MGAT4A: variants seen among roughly 807,000 people sequenced by gnomAD.
The protein encoded by MGAT4A is alpha-1,3-mannosyl-glycoprotein 4-beta-N-acetylglucosaminyltransferase A.
In MGAT4A, 33 loss-of-function variants were observed where a neutral mutation model predicts 74.1. That is an observed-to-expected ratio of 0.45 (90% CI 0.34 to 0.60). The LOEUF is 0.60. Ranked by LOEUF, MGAT4A falls within the 20% of genes least tolerant of loss-of-function variation. The pLI, the probability that MGAT4A is intolerant of heterozygous loss-of-function variation, is 0.02. For synonymous variants in MGAT4A, 198 were observed against 210.4 expected, an observed-to-expected ratio of 0.94 and a Z score of 0.51; for missense variants, 479 against 628.3, an observed-to-expected ratio of 0.76 and a Z score of 2.54.
chr2:98,706,133 C>G (rs552858726), intron 2 of MGAT4A, among the ~76,000 whole-genome samples: 18 of 151,958 alleles, frequency 1.2e-4, no homozygotes, highest in East Asian at 5.8e-4. Flanking sequence ...TATGTAGGGA[C>G]AAAAAAGCTA....
intron 2 of MGAT4A, among the ~76,000 whole-genome samples, chr2:98,681,937 C>A (rs1357903739): frequency 1.3e-5 from 2 of 152,142 alleles, no homozygotes; most frequent in Non-Finnish European, 2.9e-5. Context: ...GAGGCCCCCA[C>A]TAGCCAAATG....
In MGAT4A at chr2:98,637,952, T is replaced by C. The variant is rs17447754; in HGVS notation, c.1323-1357A>G. On this transcript the variant is annotated intron_variant, in intron 12 of 15. Coordinates refer to ENST00000393487, the MANE Select transcript of MGAT4A (RefSeq NM_012214.3). ...GGTTACGTGGGAATTCTTGGGGTGA[T>C]AGAAACGGTCCTTATCTTGATATAC... is the stretch of plus-strand genomic sequence containing the variant. Among the ~76,000 whole-genome samples, 1,305 of 152,280 alleles carry C rather than the reference T, an allele frequency of 8.6e-3. 30 individuals are homozygous for C. Among genetic ancestry groups the C allele is most frequent in the Non-Finnish European group, 6.6e-3 (449 of 68,020 alleles).
chr2:98,688,279 A>G (rs1472681172), intron 2 of MGAT4A, among the ~76,000 whole-genome samples: 1 of 152,136 alleles, frequency 6.6e-6, no homozygotes, highest in Non-Finnish European at 1.5e-5. Context: ...CATTCTGTCT[A>G]GCAATTACCA....
intron 5 of MGAT4A, among the ~76,000 whole-genome samples, chr2:98,659,784 T>C (rs985697613): frequency 3.9e-5 from 6 of 152,214 alleles, no homozygotes; most frequent in African/African-American, 1.2e-4. Context: ...TCCATTTTTC[T>C]TTATAAATTA....
intron 2 of MGAT4A, among the ~76,000 whole-genome samples, chr2:98,710,437 GATTA>G (rs918420801): frequency 1.3e-5 from 2 of 152,160 alleles, no homozygotes; most frequent in South Asian, 2.1e-4. Context: ...CAAGGAATAT[GATTA>G]ATTTTGTGTC....
At chr2:98,729,503 G>T (rs1008899387) in intron 1 of MGAT4A, among the ~76,000 whole-genome samples, 1 of 151,872 alleles carries the variant, frequency 6.6e-6, no homozygotes, top group African/African-American at 2.4e-5. Flanking sequence ...TAATATTCTC[G>T]GAGACTATAA....
chr2:98,670,352 T>TA, intron 4 of MGAT4A, among the ~76,000 whole-genome samples: 1 of 152,292 alleles, frequency 6.6e-6, no homozygotes, highest in Non-Finnish European at 1.5e-5. Flanking sequence ...GTACCTCTAT[T>TA]ATGTACTAGA....
At chr2:98,693,159 C>G (rs1050839089) in intron 2 of MGAT4A, among the ~76,000 whole-genome samples, 2 of 152,006 alleles carry the variant, frequency 1.3e-5, no homozygotes, top group Admixed American at 6.6e-5. Flanking sequence ...ATTTTTTAAG[C>G]ACTAAAAGAA....
intron 4 of MGAT4A, among the ~76,000 whole-genome samples, chr2:98,669,436 G>A (rs769242737): frequency 7.2e-5 from 11 of 152,168 alleles, no homozygotes; most frequent in East Asian, 1.9e-4. Flanking sequence ...CCCCAGCCAC[G>A]TGGAACTGTT....
chr2:98,660,800 A>G (rs1701737447), intron 5 of MGAT4A, among the ~76,000 whole-genome samples: 1 of 152,206 alleles, frequency 6.6e-6, no homozygotes, highest in South Asian at 2.1e-4. Context: ...AAACAAAAGA[A>G]GACTCTAAAA....
Position 98,621,379 on chromosome 2 carries a change from C to T in MGAT4A, c.*4187G>A, listed in dbSNP as rs868275244. On this transcript the variant is annotated 3_prime_UTR_variant, in exon 16 of 16. Transcript: ENST00000393487. Reference sequence around the variant, plus strand: ...GCTCCTTTGCTGTTAGCCAAGGCCTCTCTCAGCTCCTCAAAGCCATGTGCA... The same window carrying T: ...GCTCCTTTGCTGTTAGCCAAGGCCTTTCTCAGCTCCTCAAAGCCATGTGCA... 6.5e-7 allele frequency: 1 copy of T among 1,544,806 alleles called. No individual in the cohort carries two copies. The highest frequency in any genetic ancestry group is 1.4e-5 in the African/African-American group (1 of 72,670).
At chr2:98,707,288 A>T (rs1319821689) in intron 2 of MGAT4A, among the ~76,000 whole-genome samples, 2 of 152,200 alleles carry the variant, frequency 1.3e-5, no homozygotes, top group Admixed American at 1.3e-4. Flanking sequence ...ACTTTTCTGT[A>T]TAATTTTTTA....
intron 8 of MGAT4A, among the ~76,000 whole-genome samples, chr2:98,647,256 C>T (rs1701500978): frequency 6.6e-6 from 1 of 152,234 alleles, no homozygotes; most frequent in South Asian, 2.1e-4. Context: ...ATGGAACCCA[C>T]TGATTACTCT....
chr2:98,678,533 A>C, intron 2 of MGAT4A, 62 bp from the exon 3 acceptor site: 27 of 1,112,854 alleles, frequency 2.4e-5, no homozygotes, highest in Non-Finnish European at 3.2e-5. Flanking sequence ...ATATAATCTC[A>C]ATGGAACTGT....
rs1456097379 is a variant in MGAT4A at position 98,624,919 on chromosome 2, G to C, written c.*647C>G. ...TTGTTCAGTCACTGTGATTATAAAA[G>C]TACTTCAATTAAGAAATCCATCTAT... On this transcript the variant is annotated 3_prime_UTR_variant, in exon 16 of 16. Coordinates refer to ENST00000393487, the MANE Select transcript of MGAT4A (RefSeq NM_012214.3). 3 of 984,274 alleles carry C rather than the reference G, an allele frequency of 3.0e-6. No homozygotes were observed. Among genetic ancestry groups the C allele is most frequent in the Non-Finnish European group, 3.6e-6 (3 of 828,700 alleles). 61.0% of individuals were successfully genotyped at this position (984,274 alleles called of 1,614,324 possible). A position where few individuals can be genotyped will look rare whatever the true frequency, so the allele number is the denominator to read the frequency against.
intron 8 of MGAT4A, among the ~76,000 whole-genome samples, chr2:98,648,658 C>T (rs936476177): frequency 1.3e-5 from 2 of 150,978 alleles, no homozygotes; most frequent in African/African-American, 2.4e-5. Context: ...AAGGATGCAG[C>T]GAGCTGTGAA....
chr2:98,643,898 C>T (rs374276852), intron 10 of MGAT4A, 25 bp downstream of exon 10: 36 of 1,479,560 alleles, frequency 2.4e-5, no homozygotes, highest in Non-Finnish European at 3.2e-5. Context: ...GAAACTCCCT[C>T]CACTCTGGTG....
chr2:98,667,749 C>T (rs181458127), intron 4 of MGAT4A, among the ~76,000 whole-genome samples: 99 of 151,436 alleles, frequency 6.5e-4, no homozygotes, highest in Non-Finnish European at 1.1e-3. Flanking sequence ...GACAGAGTTT[C>T]GATCTTGTGG....
At chr2:98,696,340 T>G (rs1218834805) in intron 2 of MGAT4A, among the ~76,000 whole-genome samples, 1 of 152,248 alleles carries the variant, frequency 6.6e-6, no homozygotes, top group Non-Finnish European at 1.5e-5. Context: ...GCCATAAATT[T>G]GAAATGCCTC....
Sources: gnomAD v4.1 joint callset for allele counts (sites outside exome capture counted in the v4.1 genomes callset) on GRCh38, gnomAD v4.1.1 for gene constraint, MANE v1.5 for transcripts, NCBI Gene and HGNC (gene_info 2026-07-23, HGNC 2026-07-21) for gene names.